GANC: variants seen among roughly 807,000 people sequenced by gnomAD.
GANC encodes the protein neutral alpha-glucosidase C.
Under a neutral mutation model 124.2 loss-of-function variants are expected in GANC, and 117 were observed. The ratio of observed to expected loss-of-function variants is 0.94; its 90% CI spans 0.81 to 1.10. The LOEUF (loss-of-function observed/expected upper bound fraction) is 1.10, where lower values mean the gene tolerates loss of function less well. GANC is among the 50% of genes least tolerant of loss of function. The pLI is 0.00. For missense variants in GANC, 1,140 were observed against 1,095.0 expected, an observed-to-expected ratio of 1.04 and a Z score of -0.58; for synonymous variants, 377 against 376.8, an observed-to-expected ratio of 1.00 and a Z score of -0.01.
In GANC at chr15:42,304,634, CA is replaced by C. The variant is rs1389113663; in HGVS notation, c.559-1906del. On this transcript the variant is annotated intron_variant, in intron 6 of 23. Transcript: ENST00000318010. ...AACTACTTTAAATTTCACAGGGAACCAAAAAAGAGTCCATATAGCCAAGACA... is the reference window on the plus strand; with the variant it reads ...AACTACTTTAAATTTCACAGGGAACCAAAAAGAGTCCATATAGCCAAGACA... 2.6e-5 allele frequency among the ~76,000 whole-genome samples: 4 copies of C among 152,102 alleles called. 1 individual carries two copies. The East Asian group carries it at 5.8e-4, about 22-fold the overall frequency.
chr15:42,322,484 C>T (rs1271313057), intron 11 of GANC, among the ~76,000 whole-genome samples: 1 of 151,940 alleles, frequency 6.6e-6, no homozygotes, highest in Non-Finnish European at 1.5e-5. Context: ...TGGTGGTTAG[C>T]GGGTGGGGAC....
At chr15:42,332,464 A>T (rs2141066774) in intron 15 of GANC, among the ~76,000 whole-genome samples, 1 of 152,310 alleles carries the variant, frequency 6.6e-6, no homozygotes, top group South Asian at 2.1e-4. Context: ...TGAAGCTATC[A>T]GCTTTGCTTC....
chr15:42,292,950 C>T, intron 5 of GANC, 33 bp downstream of exon 5: 4 of 1,583,618 alleles, frequency 2.5e-6, no homozygotes, highest in South Asian at 2.2e-5. Flanking sequence ...ACATAAAGAC[C>T]TTAACATAAC....
chr15:42,314,933 G>GT (rs1437911480), intron 10 of GANC: 6 of 152,164 alleles, frequency 3.9e-5, no homozygotes, highest in Non-Finnish European at 8.8e-5. Flanking sequence ...TAGAGAACAA[G>GT]TTACAGCTAC....
rs201254217 is a variant in GANC at position 42,327,390 on chromosome 15, A to T, written c.1448A>T (p.Asn483Ile). The change falls in exon 13 of 24, where the codon AAT becomes ATT. Residue 483 changes from asparagine to isoleucine, a missense_variant. By Grantham distance (149) the Asn-to-Ile change is moderately radical. Coordinates refer to ENST00000318010, the MANE Select transcript of GANC (RefSeq NM_198141.3). ...PGLSSYLDFT[N>I]PKVREWYSSL... is the part of the protein sequence containing the mutation. ...CTCTCCTCTTACCTGGATTTCACCA[A>T]TCCCAAGGTCAGAGAGTGGTATTCA... is the stretch of plus-strand genomic sequence containing the variant. 6.2e-7 allele frequency: 1 copy of T among 1,613,234 alleles called. No homozygotes were observed.
Position 42,308,231 on chromosome 15 carries a change from C to T in GANC, c.635C>T (p.Ser212Phe), listed in dbSNP as rs773741729. ...ATCCTGGTCTCTACAGGCCCTTCTT[C>T]TATTGGTTTGGATTTCTCCTTGCAT... ...FVDIKANGPS[S>F]IGLDFSLHGF... is the part of the protein sequence containing the mutation. The change falls in exon 8 of 24, where the codon TCT (serine) becomes TTT (phenylalanine). Residue 212 changes from serine (S) to phenylalanine (F), a missense_variant. Physicochemically the swap from Ser to Phe is radical, Grantham distance 155 (BLOSUM62 -2). Transcript: ENST00000318010. 1 of 1,604,080 alleles carries T rather than the reference C, an allele frequency of 6.2e-7. No individual in the cohort carries two copies.
intron 15 of GANC, among the ~76,000 whole-genome samples, chr15:42,332,778 C>T (rs143205571): frequency 8.6e-5 from 13 of 150,330 alleles, no homozygotes; most frequent in African/African-American, 2.9e-4. Flanking sequence ...CTTTGGGAGG[C>T]CGAGGCGGGT....
chr15:42,339,622 AT>A, intron 16 of GANC, 46 bp from the exon 17 acceptor site: 1 of 1,595,560 alleles, frequency 6.3e-7, no homozygotes, highest in Non-Finnish European at 8.5e-7. Flanking sequence ...TGTGTGCATC[AT>A]TTATCCAAAG....
At chr15:42,340,865 C>A in intron 18 of GANC, 111 bp downstream of exon 18, 1 of 802,514 alleles carries the variant, frequency 1.2e-6, no homozygotes, top group Non-Finnish European at 2.0e-6. Context: ...CTCCCGGTTT[C>A]AAGAAATTGT....
chr15:42,310,255 G>T (rs749062372), intron 8 of GANC, 28 bp from the exon 9 acceptor site: 1 of 1,507,024 alleles, frequency 6.6e-7, no homozygotes, highest in African/African-American at 1.4e-5. Flanking sequence ...ATTTGTGATG[G>T]TAATTGATGA....
chr15:42,316,417 G>A (rs1166729227), intron 10 of GANC, among the ~76,000 whole-genome samples: 3 of 151,916 alleles, frequency 2.0e-5, no homozygotes, highest in Admixed American at 2.0e-4. Context: ...TCGTCCAAGT[G>A]ATTGATAAGG....
chr15:42,335,923 T>G (rs1449789406), intron 15 of GANC, among the ~76,000 whole-genome samples: 2 of 151,878 alleles, frequency 1.3e-5, no homozygotes, highest in South Asian at 2.1e-4. Flanking sequence ...AGGTGAAAGA[T>G]CTCTACAATG....
intron 1 of GANC, among the ~76,000 whole-genome samples, chr15:42,275,400 A>C (rs1017318017): frequency 6.6e-6 from 1 of 152,210 alleles, no homozygotes; most frequent in Non-Finnish European, 1.5e-5. Flanking sequence ...ATAAATTAAA[A>C]TAAACGGACA....
chr15:42,331,829 G>A (rs754575066), intron 15 of GANC, among the ~76,000 whole-genome samples: 1 of 151,676 alleles, frequency 6.6e-6, no homozygotes, highest in African/African-American at 2.4e-5. Flanking sequence ...TTTTCATAAG[G>A]CTATTTTAAA....
chr15:42,315,887 C>T (rs921588511), intron 10 of GANC, among the ~76,000 whole-genome samples: 1 of 152,066 alleles, frequency 6.6e-6, no homozygotes. Context: ...CCCTGGTTTT[C>T]TAGTATGCCA....
At chr15:42,312,004 A>G (rs1295349539) in intron 10 of GANC, among the ~76,000 whole-genome samples, 1 of 152,242 alleles carries the variant, frequency 6.6e-6, no homozygotes, top group African/African-American at 2.4e-5. Context: ...GAAAACTATA[A>G]AACATTCCTG....
chr15:42,284,845 T>C (rs1198339720), intron 3 of GANC, among the ~76,000 whole-genome samples: 1 of 152,210 alleles, frequency 6.6e-6, no homozygotes, highest in Non-Finnish European at 1.5e-5. Context: ...ACATGCTCTC[T>C]CACCTCATTT....
chr15:42,283,565 C>G, intron 3 of GANC: 1 of 678,784 alleles, frequency 1.5e-6, no homozygotes, highest in Non-Finnish European at 2.7e-6. Context: ...GATGCTTTCT[C>G]ATGATATAGG....
intron 15 of GANC, among the ~76,000 whole-genome samples, chr15:42,333,140 C>A (rs146667644): frequency 0.014 from 2,096 of 151,378 alleles, 52 homozygotes; most frequent in African/African-American, 0.049. Context: ...CCAGCCTGGG[C>A]AACATGGTGA....
Sources: gnomAD v4.1 joint callset for allele counts (sites outside exome capture counted in the v4.1 genomes callset) on GRCh38, gnomAD v4.1.1 for gene constraint, MANE v1.5 for transcripts, NCBI Gene and HGNC (gene_info 2026-07-23, HGNC 2026-07-21) for gene names.